The following IQCM variants were observed in gnomAD, a reference collection of about 807,000 sequenced individuals.
IQCM encodes IQ motif containing M.
Under a neutral mutation model 57.6 loss-of-function variants are expected in IQCM, and 45 were observed. The ratio of observed to expected loss-of-function variants is 0.78; its 90% CI spans 0.62 to 1.00. The LOEUF is 1.00. Among genes scored for constraint, IQCM ranks in the 50% least tolerant of loss-of-function variants. The pLI is 0.00. For synonymous variants in IQCM, 148 were observed against 158.9 expected, an observed-to-expected ratio of 0.93 and a Z score of 0.51; for missense variants, 468 against 511.6, an observed-to-expected ratio of 0.91 and a Z score of 0.82.
Position 149,570,405 on chromosome 4 carries a change from T to C in IQCM, c.750-6515A>G, listed in dbSNP as rs140581678. ...CACTAGGTCCTCCTAAAAAACCAGC[T>C]CGCTCTTTTCTATATTGGTTAGGGA... On this transcript the variant is annotated intron_variant, in intron 9 of 13. Coordinates refer to ENST00000636793, the MANE Select transcript of IQCM (RefSeq NM_001363507.2). Among the ~76,000 whole-genome samples, 1,243 of 152,134 alleles carry C rather than the reference T, an allele frequency of 8.2e-3. 11 individuals are homozygous for C. Among genetic ancestry groups the C allele is most frequent in the Non-Finnish European group, 0.011 (739 of 67,968 alleles).
At chr4:149,441,959 T>C (rs988008833) in intron 12 of IQCM, among the ~76,000 whole-genome samples, 2 of 152,092 alleles carry the variant, frequency 1.3e-5, no homozygotes, top group Non-Finnish European at 2.9e-5. Flanking sequence ...CATGTAATCA[T>C]AGATTAAGAA....
intron 9 of IQCM, among the ~76,000 whole-genome samples, chr4:149,574,057 A>G (rs1470206957): frequency 6.6e-6 from 1 of 151,974 alleles, no homozygotes; most frequent in Non-Finnish European, 1.5e-5. Context: ...AAATACAGAC[A>G]GACTATTACA....
chr4:149,545,675 T>A lies in IQCM; in HGVS notation c.1228+2780A>T, dbSNP rs1213364507. ...ATAGAACTACCATAAGATCCAACAA[T>A]CCTACTACTGGGTATATATCCAAAT... On this transcript the variant is annotated intron_variant, in intron 12 of 13. Coordinates refer to ENST00000636793, the MANE Select transcript of IQCM (RefSeq NM_001363507.2). 3.3e-5 allele frequency among the ~76,000 whole-genome samples: 5 copies of A among 152,230 alleles called. No individual in the cohort carries two copies. In the East Asian group the frequency reaches 9.7e-4, roughly 29 times the overall value.
At chr4:149,709,025 A>G (rs922865037) in intron 5 of IQCM, among the ~76,000 whole-genome samples, 2 of 152,096 alleles carry the variant, frequency 1.3e-5, no homozygotes, top group Non-Finnish European at 2.9e-5. Context: ...CCTGGCCCCA[A>G]TGCTAATTAA....
chr4:149,443,328 G>C (rs185410652), intron 12 of IQCM, among the ~76,000 whole-genome samples: 1 of 152,112 alleles, frequency 6.6e-6, no homozygotes, highest in East Asian at 1.9e-4. Flanking sequence ...AGTCAAGTTT[G>C]TACATCATGA....
chr4:149,764,733 G>T (rs552306076), intron 2 of IQCM, among the ~76,000 whole-genome samples: 1 of 152,198 alleles, frequency 6.6e-6, no homozygotes, highest in Non-Finnish European at 1.5e-5. Context: ...ACAGGTACTA[G>T]AGACCTCATA....
At chr4:149,518,092 C>G (rs374912418) in intron 12 of IQCM, among the ~76,000 whole-genome samples, 2 of 152,108 alleles carry the variant, frequency 1.3e-5, no homozygotes, top group Admixed American at 1.3e-4. Context: ...CTACTAATAA[C>G]CCATTGACCA....
chr4:149,762,233 G>GAA (rs566639010), intron 2 of IQCM, among the ~76,000 whole-genome samples: 7 of 142,698 alleles, frequency 4.9e-5, no homozygotes, highest in African/African-American at 1.8e-4. Context: ...GCTCAGTGAT[G>GAA]AAAAAAAAAA....
At chr4:149,699,753 GA>G (rs1763626055) in intron 5 of IQCM, among the ~76,000 whole-genome samples, 4 of 149,972 alleles carry the variant, frequency 2.7e-5, no homozygotes, top group Non-Finnish European at 4.4e-5. Context: ...GACCTTGACG[GA>G]GATTTAGAGG....
chr4:149,467,400 C>T (rs991056200), intron 12 of IQCM, among the ~76,000 whole-genome samples: 1 of 152,040 alleles, frequency 6.6e-6, no homozygotes, highest in Non-Finnish European at 1.5e-5. Context: ...TATACTATGT[C>T]CCGGGCACTG....
chr4:149,471,563 T>A (rs984911720), intron 12 of IQCM, among the ~76,000 whole-genome samples: 4 of 152,218 alleles, frequency 2.6e-5, no homozygotes, highest in Non-Finnish European at 4.4e-5. Flanking sequence ...GTACCATTCC[T>A]TCTGAAAGTA....
chr4:149,370,879 G>T (rs1730321477), intron 13 of IQCM, among the ~76,000 whole-genome samples: 1 of 108,636 alleles, frequency 9.2e-6, no homozygotes. Flanking sequence ...TTTTTATTTT[G>T]TTAATTCTTT....
At chr4:149,804,897 A>G (rs1300160916) in intron 2 of IQCM, among the ~76,000 whole-genome samples, 2 of 152,034 alleles carry the variant, frequency 1.3e-5, no homozygotes, top group Non-Finnish European at 2.9e-5. Flanking sequence ...CCTTTCAAGA[A>G]TAGCATCTAG....
intron 2 of IQCM, among the ~76,000 whole-genome samples, chr4:149,760,723 C>T (rs894604258): frequency 1.3e-5 from 2 of 151,864 alleles, no homozygotes; most frequent in Admixed American, 6.6e-5. Flanking sequence ...TTCTGAGATA[C>T]ATCAGAACAG....
intron 12 of IQCM, among the ~76,000 whole-genome samples, chr4:149,450,034 G>A (rs1736937070): frequency 6.6e-6 from 1 of 151,798 alleles, no homozygotes; most frequent in Non-Finnish European, 1.5e-5. Flanking sequence ...GAACAGAAAT[G>A]AGAACTCAGA....
At chr4:149,754,179 CCTGT>C (rs2149943874) in intron 2 of IQCM, among the ~76,000 whole-genome samples, 1 of 152,172 alleles carries the variant, frequency 6.6e-6, no homozygotes, top group Non-Finnish European at 1.5e-5. Flanking sequence ...TCAGAATTGC[CCTGT>C]CTGAGGAGTC....
At chr4:149,779,809 C>T (rs570429149) in intron 2 of IQCM, among the ~76,000 whole-genome samples, 36 of 152,238 alleles carry the variant, frequency 2.4e-4, no homozygotes, top group African/African-American at 7.9e-4. Flanking sequence ...AACTTTCAAA[C>T]CCTGAATTGG....
chr4:149,616,452 A>G (rs1387978813), intron 8 of IQCM, among the ~76,000 whole-genome samples: 2 of 152,132 alleles, frequency 1.3e-5, no homozygotes, highest in Non-Finnish European at 2.9e-5. Context: ...AGAGACAATT[A>G]GTGTTTACTA....
intron 10 of IQCM, among the ~76,000 whole-genome samples, chr4:149,554,178 T>C (rs1749313085): frequency 6.6e-6 from 1 of 152,212 alleles, no homozygotes; most frequent in Non-Finnish European, 1.5e-5. Context: ...TTTTCTGTGT[T>C]TTGCATACCG....
Sources: allele counts gnomAD v4.1 joint callset (sites outside exome capture counted in the v4.1 genomes callset), GRCh38; gene constraint gnomAD v4.1.1; transcripts MANE v1.5; gene names NCBI Gene and HGNC (gene_info 2026-07-23, HGNC 2026-07-21).